ADD3: variants seen among roughly 807,000 people sequenced by gnomAD.
ADD3 encodes adducin 3.
In ADD3, 25 loss-of-function variants were observed where a neutral mutation model predicts 80.2. The observed-to-expected ratio is 0.31, with a 90% CI of 0.23 to 0.44. The LOEUF is 0.44. Among genes scored for constraint, ADD3 ranks in the 20% least tolerant of loss-of-function variants. The pLI is 1.00. For synonymous variants in ADD3, 284 were observed against 289.6 expected (o/e 0.98, Z 0.20); for missense variants, 829 against 847.5 (o/e 0.98, Z 0.27).
intron 1 of ADD3, among the ~76,000 whole-genome samples, chr10:110,018,072 G>A (rs1472880582): frequency 1.3e-5 from 2 of 152,134 alleles, no homozygotes; most frequent in African/African-American, 4.8e-5. Flanking sequence ...CATAAGCTAT[G>A]AGATACATCA....
chr10:110,053,224 G>C (rs900110184), intron 1 of ADD3, among the ~76,000 whole-genome samples: 2 of 151,924 alleles, frequency 1.3e-5, no homozygotes, highest in Admixed American at 6.6e-5. Context: ...GTAATAAAAA[G>C]AATGCTGTTG....
chr10:110,115,603 A>G (rs1195297088), intron 3 of ADD3, among the ~76,000 whole-genome samples: 2 of 152,212 alleles, frequency 1.3e-5, no homozygotes, highest in African/African-American at 4.8e-5. Flanking sequence ...TGAACTTGTT[A>G]AAGGAGAAAA....
chr10:110,043,936 C>T (rs765432603), intron 1 of ADD3, among the ~76,000 whole-genome samples: 5 of 152,080 alleles, frequency 3.3e-5, no homozygotes, highest in African/African-American at 4.8e-5. Flanking sequence ...AGGCCGGGTG[C>T]GGTGGCTCAC....
chr10:110,057,936 A>G (rs1858405725), intron 1 of ADD3, among the ~76,000 whole-genome samples: 1 of 152,222 alleles, frequency 6.6e-6, no homozygotes, highest in African/African-American at 2.4e-5. Flanking sequence ...CATTTTCAAA[A>G]ATTATAGATA....
intron 1 of ADD3, among the ~76,000 whole-genome samples, chr10:110,045,796 A>C (rs528086931): frequency 8.1e-4 from 123 of 152,222 alleles, no homozygotes; most frequent in Non-Finnish European, 1.5e-3. Flanking sequence ...ATAAAAAGGC[A>C]GTATTAAATC....
chr10:109,997,390 T>C (rs1851401685), intron 1 of ADD3: 1 of 152,222 alleles, frequency 6.6e-6, no homozygotes, highest in Non-Finnish European at 1.5e-5. Flanking sequence ...AGGCAAGGAA[T>C]GCTGTGCAAA....
chr10:110,089,628 T>C (rs922857148), intron 1 of ADD3, among the ~76,000 whole-genome samples: 1 of 152,120 alleles, frequency 6.6e-6, no homozygotes, highest in Admixed American at 6.5e-5. Flanking sequence ...TTCTGTAAGA[T>C]ACTTGAGGGA....
At chr10:110,124,961 G>T (rs1220407663) in intron 10 of ADD3, among the ~76,000 whole-genome samples, 3 of 152,164 alleles carry the variant, frequency 2.0e-5, no homozygotes, top group Admixed American at 2.0e-4. Flanking sequence ...TATCGTTAGT[G>T]TTGGTGTATT....
At chr10:110,093,984 A>G (rs117242478) in intron 1 of ADD3, among the ~76,000 whole-genome samples, 2,355 of 152,320 alleles carry the variant, frequency 0.015, 30 homozygotes, top group Admixed American at 0.024. Context: ...TATTGATAAA[A>G]TGTTAGTGAG....
chr10:109,997,266 T>C (rs1036808978), intron 1 of ADD3, among the ~76,000 whole-genome samples: 3 of 152,214 alleles, frequency 2.0e-5, no homozygotes, highest in African/African-American at 7.2e-5. Flanking sequence ...GAAGAGATTA[T>C]CTGTTTGATT....
intron 3 of ADD3, among the ~76,000 whole-genome samples, chr10:110,114,264 G>A (rs745850854): frequency 3.3e-5 from 5 of 152,202 alleles, no homozygotes; most frequent in Admixed American, 1.3e-4. Context: ...CAGGTTAATG[G>A]CTGACTCTAA....
chr10:110,031,229 T>C (rs1035808193), intron 1 of ADD3, among the ~76,000 whole-genome samples: 1 of 152,132 alleles, frequency 6.6e-6, no homozygotes, highest in Non-Finnish European at 1.5e-5. Flanking sequence ...GCTGAGATTG[T>C]GCCATTGCAC....
At chr10:110,086,060 A>G (rs1458119316) in intron 1 of ADD3, among the ~76,000 whole-genome samples, 1 of 152,100 alleles carries the variant, frequency 6.6e-6, no homozygotes, top group Non-Finnish European at 1.5e-5. Context: ...AGCCGAGATC[A>G]TGCCATCGCA....
At chr10:110,061,531 A>G (rs1858889333) in intron 1 of ADD3, among the ~76,000 whole-genome samples, 1 of 152,204 alleles carries the variant, frequency 6.6e-6, no homozygotes, top group South Asian at 2.1e-4. Context: ...CTTCATAGAC[A>G]CTTCTGCAGT....
chr10:110,122,635 CT>C (rs1251037048), intron 9 of ADD3, among the ~76,000 whole-genome samples: 95 of 133,706 alleles, frequency 7.1e-4, no homozygotes, highest in Non-Finnish European at 7.9e-4. Context: ...ATGAGTTCAA[CT>C]TTTTTTTTTT....
At chr10:110,048,331 T>C (rs1371888826) in intron 1 of ADD3, among the ~76,000 whole-genome samples, 4 of 152,176 alleles carry the variant, frequency 2.6e-5, no homozygotes, top group African/African-American at 9.7e-5. Flanking sequence ...GGACTAATAC[T>C]GTAAATTGGC....
upstream of ADD3, among the ~76,000 whole-genome samples, chr10:110,007,680 G>T (rs1851765773): frequency 6.6e-6 from 1 of 152,182 alleles, no homozygotes; most frequent in Admixed American, 6.5e-5. Flanking sequence ...CGGGCCTGCA[G>T]GCCCCCACCG....
intron 1 of ADD3, among the ~76,000 whole-genome samples, chr10:110,090,409 T>G (rs1348965144): frequency 6.6e-6 from 1 of 151,914 alleles, no homozygotes; most frequent in East Asian, 1.9e-4. Context: ...TTAGTAGAGG[T>G]GGGGTTTCAC....
intron 1 of ADD3, among the ~76,000 whole-genome samples, chr10:110,049,498 G>A (rs1857256073): frequency 6.6e-6 from 1 of 152,230 alleles, no homozygotes; most frequent in Non-Finnish European, 1.5e-5. Flanking sequence ...AGCCACAGGG[G>A]CGGAGCTGCT....
Sources: gnomAD v4.1 joint callset for allele counts (sites outside exome capture counted in the v4.1 genomes callset) on GRCh38, gnomAD v4.1.1 for gene constraint, MANE v1.5 for transcripts, NCBI Gene and HGNC (gene_info 2026-07-23, HGNC 2026-07-21) for gene names.